SEMA3A: variants seen among roughly 807,000 people sequenced by gnomAD.
SEMA3A encodes the protein semaphorin-3A.
A neutral mutation model predicts 97.9 loss-of-function variants in SEMA3A; 29 were observed. That is an observed-to-expected ratio of 0.30 (90% CI 0.22 to 0.40). The LOEUF (loss-of-function observed/expected upper bound fraction) is 0.40. SEMA3A is among the 10% of genes least tolerant of loss of function. The probability of loss-of-function intolerance (pLI) is 1.00; values close to 1 mark genes in which losing one functional copy is unlikely to be tolerated. For missense variants in SEMA3A, 763 were observed against 951.3 expected (o/e 0.80, Z 2.60); for synonymous variants, 321 against 323.7 (o/e 0.99, Z 0.09).
intron 3 of SEMA3A, among the ~76,000 whole-genome samples, chr7:84,286,808 T>C (rs117615910): frequency 0.026 from 3,939 of 152,198 alleles, 81 homozygotes; most frequent in Middle Eastern, 0.058. Context: ...GTTTTGATGT[T>C]TCAACTTTTT....
In SEMA3A at chr7:84,342,882, T is replaced by C. The variant is rs546520330; in HGVS notation, c.-169+28942A>G. Among the ~76,000 whole-genome samples, 7 of 152,316 alleles carry C rather than the reference T, an allele frequency of 4.6e-5. No homozygotes were observed. The East Asian group carries it at 1.2e-3, about 25-fold the overall frequency. On this transcript the variant is annotated intron_variant, in intron 2 of 3. Coordinates refer to the SEMA3A transcript ENST00000424555. ...AGCACATGAATGGCAAAGAACACTA[T>C]AGGCTGTGCAAACTATGTGAGCAAA...
chr7:83,989,982 G>T lies in SEMA3A; in HGVS notation c.1453-4505C>A, dbSNP rs577803327. ...CTCCACATCCTCTCCAGCACCTGTTGTTTCCTGACTTTTTAATGATTGTCA... is the reference window on the plus strand; with the variant it reads ...CTCCACATCCTCTCCAGCACCTGTTTTTTCCTGACTTTTTAATGATTGTCA... On this transcript the variant is annotated intron_variant, in intron 12 of 16. Coordinates refer to ENST00000265362, the MANE Select transcript of SEMA3A (RefSeq NM_006080.3). 3.3e-5 allele frequency among the ~76,000 whole-genome samples: 5 copies of T among 151,872 alleles called. No individual in the cohort carries two copies. In the South Asian group the frequency reaches 1.0e-3, roughly 32 times the overall value.
chr7:84,066,786 C>G lies in SEMA3A; in HGVS notation c.454-6228G>C, dbSNP rs574079519. On this transcript the variant is annotated intron_variant, in intron 4 of 16. Transcript: ENST00000265362. ...GAAATAAAAGAGGATACAAACAAAT[C>G]GAAGAACATTCCATGCTCATGGGTA... 6.4e-3 allele frequency among the ~76,000 whole-genome samples: 974 copies of G among 151,594 alleles called. 6 individuals carry two copies. The highest frequency in any genetic ancestry group is 0.031 in the Middle Eastern group (9 of 292).
intron 2 of SEMA3A, among the ~76,000 whole-genome samples, chr7:84,362,208 C>A (rs1003340200): frequency 6.6e-6 from 1 of 151,700 alleles, no homozygotes; most frequent in Non-Finnish European, 1.5e-5. Flanking sequence ...ACTGAGAACC[C>A]CATGCTAAAT....
chr7:84,334,610 C>T (rs1340636979), intron 2 of SEMA3A, among the ~76,000 whole-genome samples: 1 of 151,864 alleles, frequency 6.6e-6, no homozygotes, highest in African/African-American at 2.4e-5. Context: ...CTTCTCACCA[C>T]CTCTGTCTTA....
At chr7:84,113,032 C>G (rs1379747513) in intron 3 of SEMA3A, among the ~76,000 whole-genome samples, 2 of 152,206 alleles carry the variant, frequency 1.3e-5, no homozygotes, top group Non-Finnish European at 2.9e-5. Context: ...TGTACTGTTA[C>G]CATGCCCTGG....
At chr7:84,472,275 C>A (rs1012179906) in intron 1 of SEMA3A, among the ~76,000 whole-genome samples, 1 of 152,048 alleles carries the variant, frequency 6.6e-6, no homozygotes. Flanking sequence ...CTCCCCCACT[C>A]GAACACATGC....
At chr7:84,360,102 T>C (rs140482436) in intron 2 of SEMA3A, among the ~76,000 whole-genome samples, 42,696 of 150,702 alleles carry the variant, frequency 0.28, 6,476 homozygotes, top group African/African-American at 0.38. Context: ...CCTGGTTTCA[T>C]TGATTTTTTG....
chr7:84,471,276 T>G (rs1465251685), intron 1 of SEMA3A, among the ~76,000 whole-genome samples: 1 of 152,094 alleles, frequency 6.6e-6, no homozygotes, highest in Non-Finnish European at 1.5e-5. Flanking sequence ...TTTTTCTGGT[T>G]AGCAATCAGA....
chr7:84,198,072 A>G (rs1457492211), upstream of SEMA3A, among the ~76,000 whole-genome samples: 1 of 152,180 alleles, frequency 6.6e-6, no homozygotes, highest in Non-Finnish European at 1.5e-5. Flanking sequence ...TCTGTGGCCT[A>G]AATTCTGAAA....
intron 3 of SEMA3A, among the ~76,000 whole-genome samples, chr7:84,122,549 AT>A (rs1318445235): frequency 6.6e-6 from 1 of 152,160 alleles, no homozygotes; most frequent in Non-Finnish European, 1.5e-5. Flanking sequence ...ATGTAATGTA[AT>A]TTTATTATTT....
At chr7:83,997,978 C>T (rs374564572) in intron 12 of SEMA3A, among the ~76,000 whole-genome samples, 113 of 152,070 alleles carry the variant, frequency 7.4e-4, no homozygotes, top group African/African-American at 2.6e-3. Context: ...CCTCGTGATT[C>T]GCATGCCTCG....
At chr7:84,459,587 A>G (rs1201861667) in intron 1 of SEMA3A, among the ~76,000 whole-genome samples, 2 of 152,254 alleles carry the variant, frequency 1.3e-5, no homozygotes, top group East Asian at 3.8e-4. Flanking sequence ...GAAATACAGG[A>G]TCTGAATCAC....
intron 1 of SEMA3A, among the ~76,000 whole-genome samples, chr7:84,149,648 C>T (rs995923950): frequency 1.3e-5 from 2 of 152,226 alleles, no homozygotes; most frequent in Admixed American, 6.5e-5. Flanking sequence ...TCTCATTAAA[C>T]TTACTTCTCT....
chr7:84,457,468 G>A (rs995818162), intron 1 of SEMA3A, among the ~76,000 whole-genome samples: 1 of 151,724 alleles, frequency 6.6e-6, no homozygotes, highest in Non-Finnish European at 1.5e-5. Context: ...TAGCAACTGT[G>A]AAAATTCAAA....
Position 84,046,448 on chromosome 7 carries a change from G to A in SEMA3A, c.548-5C>T, listed in dbSNP as rs1486750578. Reference sequence around the variant, plus strand: ...TTCCAGAGTATAATTCTCCATCTGTGTTGTGACAAAACCACATACACATTC... The same window carrying A: ...TTCCAGAGTATAATTCTCCATCTGTATTGTGACAAAACCACATACACATTC... On this transcript the variant is annotated splice_region_variant and splice_polypyrimidine_tract_variant and intron_variant, in intron 5 of 16. Transcript: ENST00000265362. 6 of 1,612,558 alleles carry A rather than the reference G, an allele frequency of 3.7e-6. No homozygotes were observed. Among genetic ancestry groups the A allele is most frequent in the Non-Finnish European group, 5.1e-6 (6 of 1,179,056 alleles).
intron 4 of SEMA3A, among the ~76,000 whole-genome samples, chr7:84,086,700 G>A (rs913081627): frequency 2.3e-4 from 34 of 147,642 alleles, no homozygotes; most frequent in African/African-American, 7.5e-4. Flanking sequence ...GTATATATAT[G>A]GAACATCATA....
chr7:84,433,163 G>T (rs962699901), intron 1 of SEMA3A, among the ~76,000 whole-genome samples: 1 of 151,762 alleles, frequency 6.6e-6, no homozygotes, highest in Non-Finnish European at 1.5e-5. Context: ...TGCCATGGTG[G>T]TTTGTTGCAC....
chr7:84,150,680 C>G (rs557395584), intron 1 of SEMA3A, among the ~76,000 whole-genome samples: 6 of 152,252 alleles, frequency 3.9e-5, no homozygotes, highest in Non-Finnish European at 8.8e-5. Context: ...CCCGCCATTG[C>G]CCAGGCTTGA....
Sources: gnomAD v4.1 joint callset for allele counts (sites outside exome capture counted in the v4.1 genomes callset) on GRCh38, gnomAD v4.1.1 for gene constraint, MANE v1.5 for transcripts, NCBI Gene and HGNC (gene_info 2026-07-23, HGNC 2026-07-21) for gene names.